The following CTRB1 variants were observed in gnomAD, a reference collection of about 807,000 sequenced individuals.
CTRB1 encodes the protein chymotrypsinogen B.
A neutral mutation model predicts 20.4 loss-of-function variants in CTRB1; 15 were observed. The observed-to-expected ratio is 0.74, with a 90% confidence interval of 0.49 to 1.13. The LOEUF (loss-of-function observed/expected upper bound fraction) is 1.13, where lower values mean the gene tolerates loss of function less well. Ranked by LOEUF, CTRB1 falls within the 50% of genes most tolerant of loss-of-function variation. CTRB1 has a pLI of 0.00. For synonymous variants in CTRB1, 92 were observed against 128.4 expected, an observed-to-expected ratio of 0.72 and a Z score of 1.92; for missense variants, 227 against 290.1, an observed-to-expected ratio of 0.78 and a Z score of 1.58.
chr16:75,219,129 C>A, intron 1 of CTRB1, 70 bp downstream of exon 1: 1 of 1,484,868 alleles, frequency 6.7e-7, no homozygotes, highest in South Asian at 1.2e-5. Context: ...GATCTGAGTC[C>A]CCTGCTCTGC....
At chr16:75,220,103 C>T (rs6564240) in intron 1 of CTRB1, among the ~76,000 whole-genome samples, 45,871 of 151,786 alleles carry the variant, frequency 0.3, 8,550 homozygotes, top group African/African-American at 0.53. Flanking sequence ...CCCACTATAG[C>T]CTCCCGAGTA....
intron 1 of CTRB1, chr16:75,222,517 G>A (rs1597131299): frequency 1.8e-6 from 1 of 556,528 alleles, no homozygotes; most frequent in Non-Finnish European, 3.2e-6. Flanking sequence ...TGCTTCTTCA[G>A]GCTGGACAGG....
At chr16:75,222,725 TG>T (rs746951267) in intron 1 of CTRB1, 42 bp from the exon 2 acceptor site, 93 of 1,531,000 alleles carry the variant, frequency 6.1e-5, no homozygotes, top group Non-Finnish European at 6.2e-6. Flanking sequence ...GAGGCCCAGG[TG>T]GGTTTGGGGC....
intron 1 of CTRB1, among the ~76,000 whole-genome samples, chr16:75,220,180 T>G (rs1305631202): frequency 6.8e-6 from 1 of 148,052 alleles, no homozygotes; most frequent in Non-Finnish European, 1.5e-5. Flanking sequence ...GTTTTTTTTG[T>G]TATTTTTTTT....
intron 1 of CTRB1, among the ~76,000 whole-genome samples, chr16:75,219,704 G>C (rs1324717649): frequency 6.6e-6 from 1 of 152,194 alleles, no homozygotes; most frequent in Non-Finnish European, 1.5e-5. Flanking sequence ...TTTTTTAAAA[G>C]AGAAATAGTA....
chr16:75,224,588 G>A, intron 6 of CTRB1, 117 bp from the exon 7 acceptor site: 2 of 1,225,154 alleles, frequency 1.6e-6, no homozygotes, highest in Non-Finnish European at 2.3e-6. Context: ...AACAGCACAT[G>A]CTGAGCCTTT....
At position 75,224,780 on chromosome 16, in the gene CTRB1, G is replaced by A. The variant is rs187077796; in HGVS notation, c.706G>A (p.Asp236Asn). ...TLVGIVSWGS[D>N]TCSTSSPGVY... ...GGTGGGCATTGTGTCCTGGGGCAGC[G>A]ACACCTGCTCCACCTCCAGCCCTGG... Residue 236 changes from aspartate (D) to asparagine (N), a missense_variant, in exon 7 of 7, where the codon GAC (aspartate) becomes AAC (asparagine). Transcript: ENST00000361017. 85 of 1,613,874 alleles carry A rather than the reference G, an allele frequency of 5.3e-5. 2 individuals are homozygous for A. In the Middle Eastern group the frequency reaches 9.9e-4, roughly 19 times the overall value.
chr16:75,222,064 GAAAAA>G (rs71158588), intron 1 of CTRB1, among the ~76,000 whole-genome samples: 6,846 of 108,704 alleles, frequency 0.063, 394 homozygotes, highest in African/African-American at 0.22. Context: ...GTCTCAAAAA[GAAAAA>G]AAAAAAAAAA....
chr16:75,221,634 A>C (rs1052734167), intron 1 of CTRB1, among the ~76,000 whole-genome samples: 6 of 152,170 alleles, frequency 3.9e-5, no homozygotes, highest in African/African-American at 1.4e-4. Flanking sequence ...TGTTAGGATT[A>C]CAGGCGTGAG....
chr16:75,219,550 C>T (rs1345438604), intron 1 of CTRB1, among the ~76,000 whole-genome samples: 1 of 152,062 alleles, frequency 6.6e-6, no homozygotes, highest in Non-Finnish European at 1.5e-5. Context: ...GACCACCAAC[C>T]CTGGCTAATT....
At chr16:75,222,064 G>GAA (rs71158588) in intron 1 of CTRB1, among the ~76,000 whole-genome samples, 23 of 108,604 alleles carry the variant, frequency 2.1e-4, no homozygotes, top group African/African-American at 3.2e-4. Context: ...GTCTCAAAAA[G>GAA]AAAAAAAAAA....
At chr16:75,221,426 C>G (rs993210831) in intron 1 of CTRB1, among the ~76,000 whole-genome samples, 3 of 152,096 alleles carry the variant, frequency 2.0e-5, no homozygotes, top group African/African-American at 7.2e-5. Context: ...GTGGCACGAT[C>G]TCAGCTTACT....
At chr16:75,221,245 G>T (rs573094490) in intron 1 of CTRB1, among the ~76,000 whole-genome samples, 2 of 152,298 alleles carry the variant, frequency 1.3e-5, no homozygotes, top group South Asian at 2.1e-4. Flanking sequence ...CGAGAATCTG[G>T]TCCTGACATA....
At chr16:75,221,462 C>A (rs1195781450) in intron 1 of CTRB1, among the ~76,000 whole-genome samples, 2 of 152,060 alleles carry the variant, frequency 1.3e-5, no homozygotes, top group African/African-American at 4.8e-5. Context: ...CAGGTTCAAG[C>A]GATTCTCCTG....
chr16:75,221,854 A>C (rs1023606078), intron 1 of CTRB1, among the ~76,000 whole-genome samples: 1 of 151,612 alleles, frequency 6.6e-6, no homozygotes, highest in Admixed American at 6.6e-5. Context: ...CAAGGTCAGG[A>C]GATCGAGACC....
chr16:75,219,316 G>A (rs572732468), intron 1 of CTRB1, among the ~76,000 whole-genome samples: 140 of 152,240 alleles, frequency 9.2e-4, no homozygotes, highest in African/African-American at 3.3e-3. Flanking sequence ...GGTAAGGTGT[G>A]GCCCCAGGAG....
chr16:75,220,790 C>CACTT (rs2039072317), intron 1 of CTRB1, among the ~76,000 whole-genome samples: 1 of 151,844 alleles, frequency 6.6e-6, no homozygotes, highest in South Asian at 2.1e-4. Flanking sequence ...TGGAGTTTCA[C>CACTT]ACTTGTCGCC....
rs541828117 is a variant in CTRB1, at chr16:75,219,196, C to T, written c.52+137C>T. The T allele has an allele frequency of 2.5e-5, 21 of 825,756 alleles. No individual in the cohort carries two copies. The South Asian group carries it at 3.7e-4, about 15-fold the overall frequency. The allele number at this position is 825,756 out of a possible 1,614,324, so 51.2% of individuals were successfully genotyped here. ...CTGAGGGCTCAGGAGAGGGTGCATT[C>T]TGGGGCTTTCTGAGCCCACACAACC... On this transcript the variant is annotated intron_variant, in intron 1 of 6. Coordinates refer to ENST00000361017, the MANE Select transcript of CTRB1 (RefSeq NM_001906.6).
chr16:75,222,760 C>T lies in CTRB1; in HGVS notation c.53-8C>T, dbSNP rs769722495. 2 of 1,557,184 alleles carry T rather than the reference C, an allele frequency of 1.3e-6. No homozygotes were observed. The highest frequency in any genetic ancestry group is 1.7e-6 in the Non-Finnish European group (2 of 1,149,796). On this transcript the variant is annotated splice_polypyrimidine_tract_variant and splice_region_variant and intron_variant, in intron 1 of 6. Coordinates refer to ENST00000361017, the MANE Select transcript of CTRB1 (RefSeq NM_001906.6). The stretch of plus-strand genomic sequence containing the variant: ...GCCTCAGCCCTTATTCACCCCACTC[C>T]CCCCCAGGCTGCGGGGTCCCCGCCA...
Sources: allele counts gnomAD v4.1 joint callset (sites outside exome capture counted in the v4.1 genomes callset), GRCh38; gene constraint gnomAD v4.1.1; transcripts MANE v1.5; gene names NCBI Gene and HGNC (gene_info 2026-07-23, HGNC 2026-07-21).